NADSYN1: variants seen among roughly 807,000 people sequenced by gnomAD.
NADSYN1 encodes glutamine-dependent NAD(+) synthetase.
In NADSYN1, 80 loss-of-function variants were observed where a neutral mutation model predicts 99.3. That is an observed-to-expected ratio of 0.81 (90% confidence interval 0.67 to 0.97). The LOEUF is 0.97. NADSYN1 is among the 50% of genes least tolerant of loss of function. The pLI, the probability that NADSYN1 is intolerant of heterozygous loss-of-function variation, is 0.00. For synonymous variants in NADSYN1, 385 were observed against 372.1 expected, an observed-to-expected ratio of 1.03 and a Z score of -0.40; for missense variants, 859 against 948.5, an observed-to-expected ratio of 0.91 and a Z score of 1.24.
At chr11:71,456,497 G>A (rs990239533) in intron 2 of NADSYN1, among the ~76,000 whole-genome samples, 1 of 152,188 alleles carries the variant, frequency 6.6e-6, no homozygotes, top group Admixed American at 6.5e-5. Context: ...TGGTCCGGGG[G>A]CCTGATCCTC....
intron 20 of NADSYN1, 52 bp downstream of exon 20, chr11:71,498,580 A>G (rs1949836697): frequency 1.3e-6 from 2 of 1,585,198 alleles, no homozygotes; most frequent in Non-Finnish European, 1.7e-6. Flanking sequence ...TGTAGAAGAA[A>G]CGTGAGGTTA....
chr11:71,465,532 T>G (rs1949582177), intron 5 of NADSYN1, among the ~76,000 whole-genome samples: 1 of 152,212 alleles, frequency 6.6e-6, no homozygotes, highest in Non-Finnish European at 1.5e-5. Context: ...TTCACCCGGT[T>G]GACATTTGGG....
At position 71,491,912 on chromosome 11, in the gene NADSYN1, G is replaced by T. The variant is rs771036144; in HGVS notation, c.1764+9G>T. 6.2e-7 allele frequency: 1 copy of T among 1,612,926 alleles called. No homozygotes were observed. Among genetic ancestry groups the T allele is most frequent in the Non-Finnish European group, 8.5e-7 (1 of 1,179,426 alleles). ...TGTCCCAGACCGACGAGGTAATGGC[G>T]GTGGCTTTGCCATGATGCTTCCTGC... On this transcript the variant is annotated intron_variant, in intron 18 of 20. Transcript: ENST00000319023.
In NADSYN1 at chr11:71,498,373, T is replaced by G. The variant is rs1414859344; in HGVS notation, c.1915T>G (p.Phe639Val). ...PRQVADKVKR[F>V]FSKYSMNRHK... ...CCAGGTCGCTGACAAAGTGAAGCGG[T>G]TTTTCTCCAAGTACTCCATGAACAG... Residue 639 changes from phenylalanine (F) to valine (V), a missense_variant, in exon 20 of 21, where the codon TTT becomes GTT. Coordinates refer to ENST00000319023, the MANE Select transcript of NADSYN1 (RefSeq NM_018161.5). The G allele has an allele frequency of 3.1e-6, 5 of 1,613,964 alleles. No individual in the cohort carries two copies. In the Admixed American group the frequency reaches 8.3e-5, roughly 27 times the overall value.
intron 3 of NADSYN1, 62 bp from the exon 4 acceptor site, chr11:71,463,370 C>T (rs1488795651): frequency 1.4e-6 from 2 of 1,441,638 alleles, no homozygotes; most frequent in South Asian, 1.1e-5. Context: ...CAGCCGCTGC[C>T]TCCATGTGCT....
intron 5 of NADSYN1, among the ~76,000 whole-genome samples, chr11:71,465,967 C>T (rs1226390670): frequency 2.0e-5 from 3 of 152,016 alleles, no homozygotes; most frequent in Non-Finnish European, 2.9e-5. Flanking sequence ...GGTTCATTTT[C>T]TTAACTTTTG....
intron 18 of NADSYN1, 184 bp from the exon 19 acceptor site, chr11:71,497,299 C>T (rs1949826472): frequency 1.5e-6 from 1 of 661,110 alleles, no homozygotes; most frequent in Non-Finnish European, 2.5e-6. Flanking sequence ...TTCTTCGTTG[C>T]TGTTTTCCAA....
At chr11:71,483,156 G>A in intron 14 of NADSYN1, 139 bp downstream of exon 14, 1 of 1,030,680 alleles carries the variant, frequency 9.7e-7, no homozygotes, top group Non-Finnish European at 1.4e-6. Context: ...AAACGTGTAA[G>A]TGCTCCATCC....
intron 16 of NADSYN1, among the ~76,000 whole-genome samples, chr11:71,489,318 G>T (rs914894679): frequency 1.3e-5 from 2 of 152,134 alleles, no homozygotes; most frequent in African/African-American, 4.8e-5. Flanking sequence ...GTTCAGTCTT[G>T]ATTTCACCAG....
rs927930242 is a variant in NADSYN1 at position 71,483,033 on chromosome 11, G to A, written c.1319+16G>A. Reference sequence around the variant, plus strand: ...AGATTGGAAGGTAGAGTTGGTCCCTGGTATTGGGCATGGCAGGTGGCTGAC... The same window carrying A: ...AGATTGGAAGGTAGAGTTGGTCCCTAGTATTGGGCATGGCAGGTGGCTGAC... On this transcript the variant is annotated intron_variant, in intron 14 of 20. Coordinates refer to ENST00000319023, the MANE Select transcript of NADSYN1 (RefSeq NM_018161.5). The A allele has an allele frequency of 1.2e-6, 2 of 1,611,380 alleles. No individual in the cohort carries two copies. The highest frequency in any genetic ancestry group is 8.5e-7 in the Non-Finnish European group (1 of 1,179,372).
Position 71,484,215 on chromosome 11 carries a change from A to G in NADSYN1, c.1320-97A>G, listed in dbSNP as rs925785851. 2.3e-5 allele frequency: 35 copies of G among 1,512,954 alleles called. No individual in the cohort carries two copies. The African/African-American group carries it at 3.6e-4, about 15-fold the overall frequency. 93.7% of individuals were successfully genotyped at this position (1,512,954 alleles called of 1,614,324 possible). ...AATCATACGCTTTAAATGGGTTACAATGGTCAGTTTTAGGTCATCAGGGCT... is the reference window on the plus strand; with the variant it reads ...AATCATACGCTTTAAATGGGTTACAGTGGTCAGTTTTAGGTCATCAGGGCT... On this transcript the variant is annotated intron_variant, in intron 14 of 20. Transcript: ENST00000319023.
intron 5 of NADSYN1, among the ~76,000 whole-genome samples, chr11:71,465,157 G>A (rs575805822): frequency 1.3e-5 from 2 of 152,238 alleles, no homozygotes; most frequent in East Asian, 1.9e-4. Flanking sequence ...AAGTTTTATA[G>A]CATTGTGCTG....
intron 15 of NADSYN1, chr11:71,485,199 C>T: frequency 5.4e-6 from 1 of 185,054 alleles, no homozygotes; most frequent in Non-Finnish European, 1.1e-5. Context: ...GTGGCCTCTC[C>T]CCTCCTGCCA....
intron 3 of NADSYN1, chr11:71,459,919 A>G (rs77762116): frequency 0.04 from 6,123 of 152,484 alleles, 408 homozygotes; most frequent in African/African-American, 0.14. Flanking sequence ...CAAAACACAC[A>G]AGCAACACCA....
intron 6 of NADSYN1, 46 bp downstream of exon 6, chr11:71,472,546 T>A: frequency 6.4e-7 from 1 of 1,559,554 alleles, no homozygotes; most frequent in Non-Finnish European, 8.8e-7. Context: ...GTTGTCGCTG[T>A]TCTCGGCCAA....
Position 71,458,207 on chromosome 11 carries a change from C to G in NADSYN1, c.147-221C>G, listed in dbSNP as rs531795332. ...AGAGTTTTTGTAGTAACTTAAAACT[C>G]AGAGAGAGGAGCAGGGGCCGTGCTC... On this transcript the variant is annotated intron_variant, in intron 2 of 20. Coordinates refer to ENST00000319023, the MANE Select transcript of NADSYN1 (RefSeq NM_018161.5). Among the ~76,000 whole-genome samples, 47 of 152,302 alleles carry G rather than the reference C, an allele frequency of 3.1e-4. No individual in the cohort carries two copies. In the South Asian group the frequency reaches 9.3e-3, roughly 30 times the overall value.
intron 18 of NADSYN1, among the ~76,000 whole-genome samples, chr11:71,495,441 G>C (rs985305798): frequency 6.6e-6 from 1 of 152,182 alleles, no homozygotes; most frequent in African/African-American, 2.4e-5. Context: ...CTCAGCAGAT[G>C]GTCTGACCTG....
At chr11:71,458,371 G>A (rs1949526683) in intron 2 of NADSYN1, 57 bp from the exon 3 acceptor site, 9 of 1,367,994 alleles carry the variant, frequency 6.6e-6, no homozygotes, top group African/African-American at 1.4e-5. Context: ...CACAGGCCCT[G>A]CCCCTCCCCG....
chr11:71,488,691 C>G (rs1432661666), intron 16 of NADSYN1, among the ~76,000 whole-genome samples: 1 of 152,034 alleles, frequency 6.6e-6, no homozygotes, highest in African/African-American at 2.4e-5. Context: ...CTCTGTCACC[C>G]AGGCTGGAGT....
Sources: gnomAD v4.1 joint callset for allele counts (sites outside exome capture counted in the v4.1 genomes callset) on GRCh38, gnomAD v4.1.1 for gene constraint, MANE v1.5 for transcripts, NCBI Gene and HGNC (gene_info 2026-07-23, HGNC 2026-07-21) for gene names.